The following RBFOX1 variants were observed in gnomAD, a reference collection of about 807,000 sequenced individuals.
The protein encoded by RBFOX1 is RNA binding fox-1 homolog 1.
Under a neutral mutation model 57.7 loss-of-function variants are expected in RBFOX1, and 8 were observed. The ratio of observed to expected loss-of-function variants is 0.14; its 90% CI spans 0.08 to 0.25. RBFOX1 has a LOEUF of 0.25. Ranked by LOEUF, RBFOX1 falls within the 10% of genes least tolerant of loss-of-function variation. The pLI is 1.00. For synonymous variants in RBFOX1, 326 were observed against 222.4 expected (o/e 1.47, Z -4.15); for missense variants, 611 against 548.5 (o/e 1.11, Z -1.14).
intron 2 of RBFOX1, among the ~76,000 whole-genome samples, chr16:6,608,151 T>G (rs2097973064): frequency 6.6e-6 from 1 of 152,232 alleles, no homozygotes; most frequent in Admixed American, 6.5e-5. Context: ...ACTCCTCACT[T>G]TCTTAACTCT....
chr16:5,834,141 C>T (rs1405266393), intron 3 of RBFOX1, among the ~76,000 whole-genome samples: 1 of 152,200 alleles, frequency 6.6e-6, no homozygotes, highest in Non-Finnish European at 1.5e-5. Context: ...TTTTCAATGG[C>T]TTCAGTGGTA....
chr16:5,517,475 C>A (rs1342745324), intron 2 of RBFOX1, among the ~76,000 whole-genome samples: 1 of 152,182 alleles, frequency 6.6e-6, no homozygotes, highest in African/African-American at 2.4e-5. Flanking sequence ...TTGGCTCAGT[C>A]TCTGAATGTA....
At chr16:5,648,163 T>C (rs1018663162) in intron 3 of RBFOX1, among the ~76,000 whole-genome samples, 1 of 152,112 alleles carries the variant, frequency 6.6e-6, no homozygotes, top group Non-Finnish European at 1.5e-5. Flanking sequence ...CCTGGCCACC[T>C]TGTAGGCTTT....
chr16:5,671,479 G>A (rs1458127182), intron 3 of RBFOX1, among the ~76,000 whole-genome samples: 2 of 152,206 alleles, frequency 1.3e-5, no homozygotes, highest in African/African-American at 2.4e-5. Flanking sequence ...TGTATGCGGT[G>A]CATGTTGGCA....
chr16:7,052,008 C>G lies in RBFOX1; in HGVS notation c.-15-49C>G. ...ACTTTCTGTTTTCTTTCATGTTTTTCTGATCCGGAGCCTTCTGACTTTTCC... is the reference window on the plus strand; with the variant it reads ...ACTTTCTGTTTTCTTTCATGTTTTTGTGATCCGGAGCCTTCTGACTTTTCC... On this transcript the variant is annotated intron_variant, in intron 3 of 15. Transcript: ENST00000550418. The G allele has an allele frequency of 1.9e-6, 3 of 1,592,124 alleles. No homozygotes were observed. The South Asian group carries it at 3.4e-5, about 18-fold the overall frequency.
chr16:5,978,582 G>C (rs1273719229), intron 4 of RBFOX1, among the ~76,000 whole-genome samples: 2 of 151,966 alleles, frequency 1.3e-5, no homozygotes, highest in South Asian at 2.1e-4. Flanking sequence ...TCCAAGTCCA[G>C]GTACCACATT....
chr16:6,161,861 C>G (rs1238729959), intron 1 of RBFOX1, among the ~76,000 whole-genome samples: 3 of 152,208 alleles, frequency 2.0e-5, no homozygotes, highest in Admixed American at 6.6e-5. Flanking sequence ...TCACTGGGAA[C>G]AAACTTTGAG....
At chr16:6,804,834 T>C (rs1347316640) in intron 3 of RBFOX1, among the ~76,000 whole-genome samples, 1 of 152,182 alleles carries the variant, frequency 6.6e-6, no homozygotes, top group East Asian at 1.9e-4. Context: ...GGTAAAGTAT[T>C]GGCAGTTATG....
rs57122573 is a variant in RBFOX1, at chr16:7,485,062, C to CT, written c.28-33071dup. ...GGTTACGTTCCCCAACATTAATCCA[C>CT]TTTTTTTTTTTTTTAATAACAGAGG... On this transcript the variant is annotated intron_variant, in intron 4 of 15. Transcript: ENST00000550418. Among the ~76,000 whole-genome samples, 799 of 147,670 alleles carry CT rather than the reference C, an allele frequency of 5.4e-3. 6 individuals are homozygous for CT. The highest frequency in any genetic ancestry group is 0.018 in the African/African-American group (719 of 40,440).
At position 7,052,306 on chromosome 16, in the gene RBFOX1, T is replaced by C. The variant is rs137914320; in HGVS notation, c.27+208T>C. 3.0e-3 allele frequency among the ~76,000 whole-genome samples: 456 copies of C among 152,352 alleles called. 2 individuals carry two copies. Among genetic ancestry groups the C allele is most frequent in the Admixed American group, 5.6e-3 (86 of 15,300 alleles). On this transcript the variant is annotated intron_variant, in intron 4 of 15. Transcript: ENST00000550418. ...TTTGGAAGTGCCGTTATAGTAGATATGGATTTTTTGATTTAGATTCAGCAA... is the reference window on the plus strand; with the variant it reads ...TTTGGAAGTGCCGTTATAGTAGATACGGATTTTTTGATTTAGATTCAGCAA...
At chr16:7,072,268 G>A (rs1388972295) in intron 4 of RBFOX1, among the ~76,000 whole-genome samples, 1 of 152,174 alleles carries the variant, frequency 6.6e-6, no homozygotes, top group Non-Finnish European at 1.5e-5. Context: ...GACCTTTAAA[G>A]AGCTTAATTA....
intron 1 of RBFOX1, among the ~76,000 whole-genome samples, chr16:6,101,350 G>T (rs901672045): frequency 6.6e-6 from 1 of 152,082 alleles, no homozygotes; most frequent in African/African-American, 2.4e-5. Context: ...TCCTGTACAC[G>T]ATGTCCTCAT....
At chr16:5,709,853 T>TATAA (rs1567430625) in intron 3 of RBFOX1, among the ~76,000 whole-genome samples, 1 of 16,870 alleles carries the variant, frequency 5.9e-5, no homozygotes, top group Non-Finnish European at 1.7e-4. Context: ...ATTTTTTTTT[T>TATAA]TTTTTTTTTT....
intron 1 of RBFOX1, among the ~76,000 whole-genome samples, chr16:6,068,666 T>C (rs1215633133): frequency 6.6e-6 from 1 of 152,192 alleles, no homozygotes; most frequent in Non-Finnish European, 1.5e-5. Context: ...TTACTGAGGC[T>C]GCAGAGGAAG....
chr16:6,274,701 C>T (rs572477492), intron 1 of RBFOX1, among the ~76,000 whole-genome samples: 3 of 152,306 alleles, frequency 2.0e-5, no homozygotes, highest in East Asian at 3.9e-4. Flanking sequence ...GGTAACTACA[C>T]AGGATCTCTG....
intron 10 of RBFOX1, among the ~76,000 whole-genome samples, chr16:7,610,853 G>C (rs1360515061): frequency 6.6e-6 from 1 of 152,140 alleles, no homozygotes; most frequent in Non-Finnish European, 1.5e-5. Context: ...AATTATTACT[G>C]TCACGCATCT....
chr16:5,314,519 G>A lies in RBFOX1; in HGVS notation c.219+74414G>A, dbSNP rs568214626. Among the ~76,000 whole-genome samples, 104 of 151,902 alleles carry A rather than the reference G, an allele frequency of 6.8e-4. No homozygotes were observed. The East Asian group carries it at 9.1e-3, about 13-fold the overall frequency. On this transcript the variant is annotated intron_variant, in intron 1 of 2. Coordinates refer to the RBFOX1 transcript ENST00000585867. ...TTTATTTACTCATTTTTTCTTTTTT[G>A]AGACTGGATCTCACTCTGTTGCCCA...
intron 3 of RBFOX1, among the ~76,000 whole-genome samples, chr16:6,826,220 G>A (rs909647378): frequency 1.1e-4 from 16 of 152,110 alleles, no homozygotes; most frequent in African/African-American, 3.9e-4. Flanking sequence ...GCATGTAAGA[G>A]CTTAGAACAG....
intron 1 of RBFOX1, among the ~76,000 whole-genome samples, chr16:5,317,164 G>C (rs1305878964): frequency 1.3e-5 from 2 of 152,104 alleles, no homozygotes; most frequent in African/African-American, 4.8e-5. Flanking sequence ...CTTTATAAAT[G>C]AGTGAACCAA....
Sources: allele counts gnomAD v4.1 joint callset (sites outside exome capture counted in the v4.1 genomes callset), GRCh38; gene constraint gnomAD v4.1.1; transcripts MANE v1.5; gene names NCBI Gene and HGNC (gene_info 2026-07-23, HGNC 2026-07-21).